Variants in CEP63 observed in about 807,000 individuals in gnomAD.
The protein encoded by CEP63 is centrosomal protein of 63 kDa.
Under a neutral mutation model 89.1 loss-of-function variants are expected in CEP63, and 84 were observed. The observed-to-expected ratio is 0.94, with a 90% CI of 0.79 to 1.13. CEP63 has a LOEUF of 1.13. Among genes scored for constraint, CEP63 ranks in the 50% most tolerant of loss-of-function variants. The probability of loss-of-function intolerance (pLI) is 0.00; values close to 1 mark genes in which losing one functional copy is unlikely to be tolerated. For synonymous variants in CEP63, 267 were observed against 272.5 expected (o/e 0.98, Z 0.20); for missense variants, 838 against 813.3 (o/e 1.03, Z -0.37).
chr3:134,650,027 G>A, the CEP63 span, among the ~76,000 whole-genome samples: 7 of 152,302 alleles, frequency 4.6e-5, no homozygotes, highest in African/African-American at 1.7e-4. Flanking sequence ...AGGACCCTGA[G>A]GTTCTCTGGC....
chr3:134,687,349 C>G, the CEP63 span, among the ~76,000 whole-genome samples: 2 of 152,232 alleles, frequency 1.3e-5, no homozygotes, highest in African/African-American at 4.8e-5. Context: ...TGGAGAAACT[C>G]TAACTTTAAC....
chr3:134,536,816 A>T, intron 5 of CEP63: 1 of 334,712 alleles, frequency 3.0e-6, no homozygotes, highest in Non-Finnish European at 5.8e-6. Flanking sequence ...TAGTTATCTT[A>T]GCATCAGTTT....
chr3:134,602,836 C>G, the CEP63 span, among the ~76,000 whole-genome samples: 1 of 152,254 alleles, frequency 6.6e-6, no homozygotes, highest in Non-Finnish European at 1.5e-5. Flanking sequence ...GTCCCTCCCA[C>G]CTGCACAGCC....
chr3:134,632,923 G>T, the CEP63 span, among the ~76,000 whole-genome samples: 148,205 of 152,044 alleles, frequency 0.97, 72,347 homozygotes, highest in East Asian at 1. Context: ...GGAATGAAAT[G>T]AGGGCTATCG....
intron 2 of CEP63, among the ~76,000 whole-genome samples, chr3:134,499,077 G>A (rs1015641216): frequency 3.3e-5 from 5 of 152,058 alleles, no homozygotes; most frequent in African/African-American, 7.2e-5. Context: ...AATTTTTCTC[G>A]CCTTCAATTT....
chr3:134,536,373 T>C (rs1192948718), intron 5 of CEP63: 3 of 152,606 alleles, frequency 2.0e-5, no homozygotes, highest in Admixed American at 6.5e-5. Context: ...ACAACACTTA[T>C]CTTAAGGAGC....
intron 10 of CEP63, among the ~76,000 whole-genome samples, chr3:134,585,829 G>A (rs1166339923): frequency 6.6e-6 from 1 of 152,136 alleles, no homozygotes; most frequent in Admixed American, 6.6e-5. Context: ...GGGAGTCTAA[G>A]TCTCTTTGTA....
chr3:134,513,720 C>T (rs902300085), intron 3 of CEP63, among the ~76,000 whole-genome samples: 2 of 152,114 alleles, frequency 1.3e-5, no homozygotes, highest in Non-Finnish European at 2.9e-5. Context: ...TGAAAGGCTG[C>T]ACCCTAGGAG....
chr3:134,559,781 G>C (rs1299698420), intron 14 of CEP63, among the ~76,000 whole-genome samples: 1 of 152,220 alleles, frequency 6.6e-6, no homozygotes, highest in Non-Finnish European at 1.5e-5. Flanking sequence ...AGTGAAGGAG[G>C]AAAAGAGGAA....
chr3:134,487,495 T>A (rs1429924234), intron 1 of CEP63, among the ~76,000 whole-genome samples: 1 of 152,198 alleles, frequency 6.6e-6, no homozygotes, highest in Non-Finnish European at 1.5e-5. Context: ...CTTAGTCCTT[T>A]CTGTTCTAAT....
At chr3:134,749,258 G>A in the CEP63 span, among the ~76,000 whole-genome samples, 76 of 152,328 alleles carry the variant, frequency 5.0e-4, 1 homozygote, top group African/African-American at 1.7e-3. Flanking sequence ...GATGTGTCTG[G>A]AGAATTTGCA....
chr3:134,652,974 T>A, the CEP63 span, among the ~76,000 whole-genome samples: 3 of 152,260 alleles, frequency 2.0e-5, no homozygotes, highest in East Asian at 5.8e-4. Context: ...CAACCCTTGC[T>A]CTCCTGCTGG....
the CEP63 span, among the ~76,000 whole-genome samples, chr3:134,648,252 G>C: frequency 6.6e-6 from 1 of 152,128 alleles, no homozygotes; most frequent in African/African-American, 2.4e-5. Context: ...TGCTGCTTAC[G>C]GTACTGTTCC....
At chr3:134,494,262 A>G (rs1938905381) in intron 1 of CEP63, among the ~76,000 whole-genome samples, 3 of 150,532 alleles carry the variant, frequency 2.0e-5, no homozygotes, top group Admixed American at 2.0e-4. Context: ...CTACAGGTGC[A>G]TGCCACCATG....
chr3:134,776,851 G>A, the CEP63 span, among the ~76,000 whole-genome samples: 1 of 152,174 alleles, frequency 6.6e-6, no homozygotes, highest in African/African-American at 2.4e-5. Flanking sequence ...TTTCAGACCA[G>A]TGTTTTTAAC....
At chr3:134,555,533 A>G (rs1955962593) in intron 12 of CEP63, among the ~76,000 whole-genome samples, 1 of 151,494 alleles carries the variant, frequency 6.6e-6, no homozygotes, top group African/African-American at 2.4e-5. Flanking sequence ...ATTGCTTCAA[A>G]GAGAATAAAA....
At chr3:134,773,421 C>T in the CEP63 span, among the ~76,000 whole-genome samples, 3 of 152,116 alleles carry the variant, frequency 2.0e-5, no homozygotes, top group Admixed American at 6.5e-5. Context: ...CAAAATGGCA[C>T]GCATAGAAAT....
At chr3:134,662,389 A>T in the CEP63 span, among the ~76,000 whole-genome samples, 1 of 152,206 alleles carries the variant, frequency 6.6e-6, no homozygotes, top group African/African-American at 2.4e-5. Context: ...CTAGAGCTGT[A>T]AGAAATAAAT....
At chr3:134,630,393 A>G in the CEP63 span, among the ~76,000 whole-genome samples, 1 of 136,180 alleles carries the variant, frequency 7.3e-6, no homozygotes, top group Non-Finnish European at 1.6e-5. Flanking sequence ...TATGAGGGCA[A>G]ATATTTACTG....
Sources: gnomAD v4.1 joint callset for allele counts (sites outside exome capture counted in the v4.1 genomes callset) on GRCh38, gnomAD v4.1.1 for gene constraint, MANE v1.5 for transcripts, NCBI Gene and HGNC (gene_info 2026-07-23, HGNC 2026-07-21) for gene names.